The following CDH1 variants were observed in gnomAD, a reference collection of about 807,000 sequenced individuals.
CDH1 encodes the protein cadherin-1.
A neutral mutation model predicts 84.5 loss-of-function variants in CDH1; 35 were observed. The observed-to-expected ratio is 0.41, with a 90% CI of 0.32 to 0.55. The LOEUF is 0.55. CDH1 is among the 20% of genes least tolerant of loss of function. The pLI is 0.19. For synonymous variants in CDH1, 417 were observed against 439.0 expected (o/e 0.95, Z 0.63); for missense variants, 994 against 1,126.6 (o/e 0.88, Z 1.68).
At chr16:68,776,589 G>A (rs1266180370) in intron 2 of CDH1, among the ~76,000 whole-genome samples, 1 of 152,052 alleles carries the variant, frequency 6.6e-6, no homozygotes, top group Non-Finnish European at 1.5e-5. Context: ...GGCTAGTCTC[G>A]AGTTCCTGGG....
intron 13 of CDH1, 86 bp from the exon 14 acceptor site, chr16:68,828,088 A>G (rs1399664423): frequency 6.7e-7 from 1 of 1,488,684 alleles, no homozygotes; most frequent in Non-Finnish European, 9.4e-7. Flanking sequence ...CCTGTCTGGT[A>G]TGAGGGGTGC....
rs1166393486 is a variant in CDH1, at chr16:68,745,550, AT to A, written c.163+7140del. On this transcript the variant is annotated intron_variant, in intron 2 of 15. Transcript: ENST00000261769. The stretch of plus-strand genomic sequence containing the variant: ...TCCTGTCTCAAAAAAAAAAAAAAAA[AT>A]ATATATATATATGTATATATATATG... 5.5e-3 allele frequency among the ~76,000 whole-genome samples: 276 copies of A among 50,506 alleles called. 12 individuals are homozygous for A. The highest frequency in any genetic ancestry group is 0.027 in the African/African-American group (247 of 9,182). 33.1% of individuals were successfully genotyped at this position (50,506 alleles called of 152,430 possible). A position where few individuals can be genotyped will look rare whatever the true frequency, so the allele number is the denominator to read the frequency against.
chr16:68,811,998 G>A, intron 7 of CDH1, 137 bp from the exon 8 acceptor site: 3 of 1,431,684 alleles, frequency 2.1e-6, no homozygotes, highest in Non-Finnish European at 2.9e-6. Context: ...CTTGTGCCCA[G>A]AGGTTCCGTG....
chr16:68,818,060 G>A (rs1173790878), intron 10 of CDH1, among the ~76,000 whole-genome samples: 1 of 151,844 alleles, frequency 6.6e-6, no homozygotes, highest in Non-Finnish European at 1.5e-5. Flanking sequence ...CTAACATGGT[G>A]AAACCTCGTC....
In CDH1 at chr16:68,756,791, C is replaced by T. The variant is rs571017433; in HGVS notation, c.163+18380C>T. 3.3e-5 allele frequency among the ~76,000 whole-genome samples: 5 copies of T among 152,184 alleles called. No individual in the cohort carries two copies. In the South Asian group the frequency reaches 1.0e-3, roughly 32 times the overall value. On this transcript the variant is annotated intron_variant, in intron 2 of 15. Transcript: ENST00000261769. Reference sequence around the variant, plus strand: ...GGCCAAAGTGGGAGGATTGCTTGAGCCCAGAAGTTGGAGACCAGATTGGGC... The same window carrying T: ...GGCCAAAGTGGGAGGATTGCTTGAGTCCAGAAGTTGGAGACCAGATTGGGC...
intron 2 of CDH1, among the ~76,000 whole-genome samples, chr16:68,758,253 G>C (rs1382641077): frequency 8.5e-6 from 1 of 117,640 alleles, no homozygotes; most frequent in East Asian, 2.6e-4. Context: ...GAGAGAGAGA[G>C]AGACCCAAAT....
chr16:68,737,728 G>T (rs1962438806), intron 1 of CDH1, among the ~76,000 whole-genome samples: 1 of 152,156 alleles, frequency 6.6e-6, no homozygotes, highest in African/African-American at 2.4e-5. Context: ...AGTCCGCGGG[G>T]TGGGCTCGCG....
intron 2 of CDH1, among the ~76,000 whole-genome samples, chr16:68,798,635 C>G (rs1451240266): frequency 6.6e-6 from 1 of 152,190 alleles, no homozygotes; most frequent in African/African-American, 2.4e-5. Flanking sequence ...AGGCCGCCAC[C>G]CTTGGCAAGT....
chr16:68,752,837 T>A (rs1179269240), intron 2 of CDH1, among the ~76,000 whole-genome samples: 1 of 152,168 alleles, frequency 6.6e-6, no homozygotes, highest in African/African-American at 2.4e-5. Context: ...TAGGCAGATA[T>A]CTGAGCCCGC....
At chr16:68,816,291 C>T (rs986612847) in intron 10 of CDH1, among the ~76,000 whole-genome samples, 3 of 152,146 alleles carry the variant, frequency 2.0e-5, no homozygotes, top group Non-Finnish European at 4.4e-5. Flanking sequence ...GGATTACAGG[C>T]GTGAGCCACC....
intron 10 of CDH1, 127 bp from the exon 11 acceptor site, chr16:68,819,153 G>T (rs1961067720): frequency 1.9e-6 from 2 of 1,059,914 alleles, no homozygotes; most frequent in East Asian, 2.5e-5. Context: ...ACCGCGACCG[G>T]CCTATTGTTG....
chr16:68,806,257 T>C (rs1001805155), intron 3 of CDH1, among the ~76,000 whole-genome samples: 1 of 152,160 alleles, frequency 6.6e-6, no homozygotes, highest in East Asian at 1.9e-4. Context: ...GTTCAAGCAA[T>C]TCTCACGCCT....
At chr16:68,812,052 T>C (rs957753747) in intron 7 of CDH1, 83 bp from the exon 8 acceptor site, 1 of 1,598,948 alleles carries the variant, frequency 6.3e-7, no homozygotes, top group African/African-American at 1.3e-5. Context: ...GGTTAAATAT[T>C]CTGGTTCCAT....
intron 2 of CDH1, among the ~76,000 whole-genome samples, chr16:68,770,628 C>T (rs1482701869): frequency 1.3e-5 from 2 of 151,502 alleles, no homozygotes; most frequent in African/African-American, 4.9e-5. Flanking sequence ...GGTGCAGGGC[C>T]CCTTTAGCTG....
Position 68,811,756 on chromosome 16 carries a change from A to G in CDH1, c.905A>G (p.Tyr302Cys), listed in dbSNP as rs768467134. Residue 302 changes from tyrosine (Y) to cysteine (C), a missense_variant, in exon 7 of 16, where the codon TAC (tyrosine) becomes TGC (cysteine). This residue lies in a region of CDH1 where 769 missense variants were observed against 881.8 expected (regional missense o/e 0.87). Coordinates refer to ENST00000261769, the MANE Select transcript of CDH1 (RefSeq NM_004360.5). Reference sequence around the variant, plus strand: ...AACACCTACAATGCCGCCATCGCTTACACCATCCTCAGCCAAGATCCTGAG... The same window carrying G: ...AACACCTACAATGCCGCCATCGCTTGCACCATCCTCAGCCAAGATCCTGAG... ...DVNTYNAAIAYTILSQDPELP... is the reference protein window; with the variant it reads ...DVNTYNAAIACTILSQDPELP... 6.2e-7 allele frequency: 1 copy of G among 1,614,020 alleles called. No individual in the cohort carries two copies.
rs144537293 is a variant in CDH1 at position 68,798,368 on chromosome 16, C to T, written c.164-3302C>T. On this transcript the variant is annotated intron_variant, in intron 2 of 15. Transcript: ENST00000261769. ...TCAGAGACAACCCAGCCCTTGCCAGCGTGACAGTGAGCTTCCCAGAGCCTT... is the reference window on the plus strand; with the variant it reads ...TCAGAGACAACCCAGCCCTTGCCAGTGTGACAGTGAGCTTCCCAGAGCCTT... Among the ~76,000 whole-genome samples, 39 of 152,260 alleles carry T rather than the reference C, an allele frequency of 2.6e-4. No homozygotes were observed. The East Asian group carries it at 3.3e-3, about 13-fold the overall frequency.
intron 2 of CDH1, among the ~76,000 whole-genome samples, chr16:68,786,489 T>G (rs1213465867): frequency 6.8e-6 from 1 of 146,248 alleles, no homozygotes; most frequent in Non-Finnish European, 1.5e-5. Context: ...ATTCTTGAAG[T>G]GAGCCCCCCA....
chr16:68,753,683 G>A lies in CDH1; in HGVS notation c.163+15272G>A, dbSNP rs16958329. On this transcript the variant is annotated intron_variant, in intron 2 of 15. Transcript: ENST00000261769. Reference sequence around the variant, plus strand: ...ACCTAGACTGTCCTGCCTTCAGCAGGGTAATGGCTTAATGGGTAGTGTGGC... The same window carrying A: ...ACCTAGACTGTCCTGCCTTCAGCAGAGTAATGGCTTAATGGGTAGTGTGGC... 2.9e-3 allele frequency among the ~76,000 whole-genome samples: 440 copies of A among 152,208 alleles called. 1 individual carries two copies. The highest frequency in any genetic ancestry group is 0.01 in the African/African-American group (417 of 41,542).
At chr16:68,816,784 T>A (rs1028641450) in intron 10 of CDH1, among the ~76,000 whole-genome samples, 20 of 152,280 alleles carry the variant, frequency 1.3e-4, no homozygotes, top group Non-Finnish European at 2.8e-4. Context: ...ATTTTCTATG[T>A]GTAGCCAATG....
Sources: gnomAD v4.1 joint callset for allele counts (sites outside exome capture counted in the v4.1 genomes callset) on GRCh38, gnomAD v4.1.1 for gene constraint, gnomAD v4.1.1 regional missense constraint, MANE v1.5 for transcripts, NCBI Gene and HGNC (gene_info 2026-07-23, HGNC 2026-07-21) for gene names.